DNAH17: variants seen among roughly 807,000 people sequenced by gnomAD.
DNAH17 encodes axonemal beta dynein heavy chain 17.
A neutral mutation model predicts 485.6 loss-of-function variants in DNAH17; 376 were observed. That is an observed-to-expected ratio of 0.77 (90% CI 0.71 to 0.84). DNAH17 has a LOEUF of 0.84. DNAH17 is among the 40% of genes least tolerant of loss of function. DNAH17 has a pLI of 0.00. For synonymous variants in DNAH17, 3,031 were observed against 2,405.9 expected (o/e 1.26, Z -7.60); for missense variants, 6,370 against 5,839.3 (o/e 1.09, Z -2.96).
At chr17:78,566,862 C>T in intron 10 of DNAH17, 132 bp from the exon 11 acceptor site, 3 of 1,325,042 alleles carry the variant, frequency 2.3e-6, no homozygotes, top group Non-Finnish European at 3.1e-6. Context: ...GGGGACCGCT[C>T]TACACAGTTT....
At chr17:78,457,623 T>G (rs773948796) in intron 62 of DNAH17, among the ~76,000 whole-genome samples, 4 of 150,826 alleles carry the variant, frequency 2.7e-5, no homozygotes, top group Admixed American at 6.6e-5. Flanking sequence ...GCCCTCCAAG[T>G]GCTGGGACTA....
chr17:78,461,619 G>C lies in DNAH17; in HGVS notation c.9264C>G (p.Gly3088=). Residue 3088 remains glycine, a synonymous_variant, in exon 58 of 81, where the codon GGC becomes GGG. Transcript: ENST00000389840. ...CTTTGCTGACCTTCTCGGCCTCGAT[G>C]CCGACCACCTGGATCAGTTGGTCTG... The part of the protein sequence containing the change: ...ESADQLIQVV[G]IEAEKVSKEK... 6.2e-7 allele frequency: 1 copy of C among 1,609,836 alleles called. No homozygotes were observed. Among genetic ancestry groups the C allele is most frequent in the South Asian group, 1.1e-5 (1 of 90,356 alleles).
intron 59 of DNAH17, 34 bp from the exon 60 acceptor site, chr17:78,460,035 G>C (rs1208893367): frequency 2.5e-6 from 4 of 1,609,394 alleles, no homozygotes; most frequent in Non-Finnish European, 3.4e-6. Flanking sequence ...TCCGATGGGA[G>C]TTTGGACCGG....
intron 1 of DNAH17, among the ~76,000 whole-genome samples, chr17:78,576,615 A>AG (rs1369747888): frequency 2.6e-5 from 4 of 151,936 alleles, no homozygotes; most frequent in African/African-American, 4.8e-5. Flanking sequence ...GTCATTTCCT[A>AG]GGGGGATCAG....
Position 78,449,513 on chromosome 17 carries a change from G to C in DNAH17, c.11112C>G (p.Ile3704Met). 6.3e-7 allele frequency: 1 copy of C among 1,594,150 alleles called. No individual in the cohort carries two copies. The highest frequency in any genetic ancestry group is 8.5e-7 in the Non-Finnish European group (1 of 1,170,370). The change falls in exon 69 of 81, where the codon ATC becomes ATG. Residue 3704 changes from isoleucine to methionine, a missense_variant. Transcript: ENST00000389840. ...TPANEVKQRV[I>M]NLTDEITYSV... ...AGTAGGTGATCTCGTCCGTCAGGTT[G>C]ATCACCCGCTGCTTCACCTCGTTGG... is the stretch of plus-strand genomic sequence containing the variant.
In DNAH17 at chr17:78,479,468, G is replaced by A. The variant is rs748630216; in HGVS notation, c.7900+17C>T. Reference sequence around the variant, plus strand: ...AGGTTTTACCGATGGGAGAGGGGATGAGGCCAGCCAGCTTACCCAGGGCCG... The same window carrying A: ...AGGTTTTACCGATGGGAGAGGGGATAAGGCCAGCCAGCTTACCCAGGGCCG... On this transcript the variant is annotated intron_variant, in intron 50 of 80. Transcript: ENST00000389840. The A allele has an allele frequency of 1.2e-5, 19 of 1,597,704 alleles. No homozygotes were observed. In the East Asian group the frequency reaches 2.2e-4, roughly 19 times the overall value.
chr17:78,450,668 G>T lies in DNAH17; in HGVS notation c.10899+14C>A. ...GCCCTGGCTGCCAGGGCACGTCACC[G>T]AGGCAGCTCTGACCTTCTCCTCGAT... On this transcript the variant is annotated intron_variant, in intron 67 of 80. Transcript: ENST00000389840. The T allele has an allele frequency of 6.2e-7, 1 of 1,606,516 alleles. No individual in the cohort carries two copies. The highest frequency in any genetic ancestry group is 8.5e-7 in the Non-Finnish European group (1 of 1,175,846).
rs1234491308 is a variant in DNAH17, at chr17:78,437,762, G to A, written c.11912C>T (p.Ala3971Val). The change falls in exon 74 of 81, where the codon GCC (alanine) becomes GTC (valine). Residue 3971 changes from alanine (A) to valine (V), a missense_variant. Ala to Val is a moderately conservative substitution (Grantham distance 64). Coordinates refer to ENST00000389840, the MANE Select transcript of DNAH17 (RefSeq NM_173628.4). ...DYRVFISAEPAPSPETHIIPQ... is the reference protein window; with the variant it reads ...DYRVFISAEPVPSPETHIIPQ... ...GATGATGTGGGTCTCGGGGCTGGGG[G>A]CAGGCTCCGCGCTGATGAACACCCG... is the stretch of plus-strand genomic sequence containing the variant. The A allele has an allele frequency of 6.2e-7, 1 of 1,612,536 alleles. No homozygotes were observed. The highest frequency in any genetic ancestry group is 8.5e-7 in the Non-Finnish European group (1 of 1,179,736).
chr17:78,486,350 A>C lies in DNAH17; in HGVS notation c.6975T>G (p.Ile2325Met), dbSNP rs691151. 6 of 1,613,654 alleles carry C rather than the reference A, an allele frequency of 3.7e-6. No individual in the cohort carries two copies. Among genetic ancestry groups the C allele is most frequent in the Admixed American group, 1.7e-5 (1 of 60,016 alleles). Residue 2325 changes from isoleucine (I) to methionine (M), a missense_variant, in exon 45 of 81, where the codon ATT becomes ATG. Physicochemically the swap from Ile to Met is conservative, Grantham distance 10. Coordinates refer to ENST00000389840, the MANE Select transcript of DNAH17 (RefSeq NM_173628.4). ...PVPEITVIQT[I>M]LYLLECLLTE... ...TGAGCAGGCACTCCAGCAGGTACAG[A>C]ATCGTTTGGATCACCGTGATCTCCG...
Position 78,462,896 on chromosome 17 carries a change from T to G in DNAH17, c.9122A>C (p.Lys3041Thr). 6.2e-7 allele frequency: 1 copy of G among 1,613,978 alleles called. No individual in the cohort carries two copies. The highest frequency in any genetic ancestry group is 8.5e-7 in the Non-Finnish European group (1 of 1,179,888). The change falls in exon 57 of 81, where the codon AAA becomes ACA. Residue 3041 changes from lysine (K) to threonine (T), a missense_variant. Physicochemically the swap from Lys to Thr is moderately conservative, Grantham distance 78. Transcript: ENST00000389840. ...LAKKRTELVA[K>T]IERLENGLMK... is the part of the protein sequence containing the mutation. ...CAGGCCGTTCTCCAGCCTCTCGATTTTGGCAACAAGTTCCGTTCTCTTCTT... is the reference window on the plus strand; with the variant it reads ...CAGGCCGTTCTCCAGCCTCTCGATTGTGGCAACAAGTTCCGTTCTCTTCTT...
At chr17:78,542,035 G>A (rs554862014) in intron 17 of DNAH17, among the ~76,000 whole-genome samples, 36 of 151,758 alleles carry the variant, frequency 2.4e-4, no homozygotes, top group African/African-American at 6.3e-4. Flanking sequence ...CCCATCCCCC[G>A]GGTGTGGCCT....
intron 44 of DNAH17, among the ~76,000 whole-genome samples, chr17:78,489,217 C>T (rs768100398): frequency 2.0e-5 from 3 of 152,216 alleles, no homozygotes; most frequent in Non-Finnish European, 1.5e-5. Context: ...TCACTTCCCA[C>T]GCAGAGAGCA....
chr17:78,435,582 G>A (rs746156273), intron 74 of DNAH17, among the ~76,000 whole-genome samples: 29 of 152,192 alleles, frequency 1.9e-4, no homozygotes, highest in Admixed American at 5.2e-4. Context: ...TCAGTGCCCC[G>A]ATCCCTGTCT....
At chr17:78,494,398 G>C (rs969092459) in intron 40 of DNAH17, among the ~76,000 whole-genome samples, 195 bp downstream of exon 40, 2 of 151,842 alleles carry the variant, frequency 1.3e-5, no homozygotes, top group African/African-American at 2.4e-5. Context: ...AGCCTCAGTT[G>C]AGAGAGTGAC....
At chr17:78,572,460 G>A (rs540307474) in intron 3 of DNAH17, among the ~76,000 whole-genome samples, 49 of 152,228 alleles carry the variant, frequency 3.2e-4, no homozygotes, top group Non-Finnish European at 5.3e-4. Context: ...GGGGTGTGGG[G>A]TGCAGGTGCC....
rs199790803 is a variant in DNAH17 at position 78,494,065 on chromosome 17, C to T, written c.6379G>A (p.Val2127Ile). 9.6e-4 allele frequency: 1,554 copies of T among 1,612,914 alleles called. 3 individuals are homozygous for T. Among genetic ancestry groups the T allele is most frequent in the Non-Finnish European group, 1.0e-3 (1,186 of 1,179,814 alleles). The change falls in exon 41 of 81, where the codon GTC (valine) becomes ATC (isoleucine). Residue 2127 changes from valine (V) to isoleucine (I), a missense_variant. Physicochemically the swap from Val to Ile is conservative, Grantham distance 29. Transcript: ENST00000389840. ...LLQVRHSVFI[V>I]GNAGSGKSQV... Reference sequence around the variant, plus strand: ...GATTTGCCGCTGCCCGCATTCCCGACGATGAACACGGAGTGGCGGACCTGC... The same window carrying T: ...GATTTGCCGCTGCCCGCATTCCCGATGATGAACACGGAGTGGCGGACCTGC...
At position 78,491,075 on chromosome 17, in the gene DNAH17, A is replaced by G. The variant is rs573878962; in HGVS notation, c.6670-228T>C. 1.6e-4 allele frequency among the ~76,000 whole-genome samples: 25 copies of G among 152,328 alleles called. 1 individual carries two copies. In the South Asian group the frequency reaches 5.2e-3, roughly 32 times the overall value. On this transcript the variant is annotated intron_variant, in intron 43 of 80. Coordinates refer to ENST00000389840, the MANE Select transcript of DNAH17 (RefSeq NM_173628.4). The stretch of plus-strand genomic sequence containing the variant: ...ACCGTGAGGGCTGCAGCATGGAGTC[A>G]GGGCTGCTTTCTCAAACCATCACCC...
At chr17:78,492,522 C>T (rs895366268) in intron 42 of DNAH17, 111 bp downstream of exon 42, 17 of 1,472,394 alleles carry the variant, frequency 1.2e-5, no homozygotes, top group Non-Finnish European at 1.4e-5. Context: ...TGCCTGTGTG[C>T]CCCACCCTAG....
chr17:78,444,497 T>C (rs1052169958), intron 71 of DNAH17, 107 bp downstream of exon 71: 4 of 1,116,268 alleles, frequency 3.6e-6, no homozygotes, highest in Non-Finnish European at 4.9e-6. Context: ...AGAAAAAAGT[T>C]CAGGGGATCA....
Sources: gnomAD v4.1 joint callset for allele counts (sites outside exome capture counted in the v4.1 genomes callset) on GRCh38, gnomAD v4.1.1 for gene constraint, MANE v1.5 for transcripts, NCBI Gene and HGNC (gene_info 2026-07-23, HGNC 2026-07-21) for gene names.